PRAMEF20: variants seen among roughly 807,000 people sequenced by gnomAD.
PRAMEF20 encodes the protein PRAME family member 20/21.
A neutral mutation model predicts 32.4 loss-of-function variants in PRAMEF20; 27 were observed. That is an observed-to-expected ratio of 0.83 (90% confidence interval 0.61 to 1.15). The LOEUF is 1.15. Ranked by LOEUF, PRAMEF20 falls within the 50% of genes most tolerant of loss-of-function variation. The probability of loss-of-function intolerance (pLI) is 0.00; values close to 1 mark genes in which losing one functional copy is unlikely to be tolerated. For synonymous variants in PRAMEF20, 256 were observed against 235.4 expected, an observed-to-expected ratio of 1.09 and a Z score of -0.80; for missense variants, 604 against 584.5, an observed-to-expected ratio of 1.03 and a Z score of -0.34.
chr1:13,420,757 C>G (rs1569869481), exon 3 of PRAMEF20: 1 of 1,613,920 alleles, frequency 6.2e-7, no homozygotes, highest in Admixed American at 1.7e-5. Context: ...TGGAATCAGA[C>G]TTGAAGCATC....
upstream of PRAMEF20, chr1:13,416,285 G>A: frequency 6.2e-7 from 1 of 1,611,776 alleles, no homozygotes; most frequent in South Asian, 1.1e-5. Context: ...AGATTGCATG[G>A]GCTTGGCCTG....
exon 2 of PRAMEF20, chr1:13,418,247 G>A: frequency 6.2e-7 from 1 of 1,613,854 alleles, no homozygotes; most frequent in South Asian, 1.1e-5. Flanking sequence ...CTGCAGGACT[G>A]TCCAAGGATG....
At chr1:13,413,149 A>G (rs1569863341), upstream of PRAMEF20, among the ~76,000 whole-genome samples, 1 of 152,142 alleles carries the variant, frequency 6.6e-6, no homozygotes. Flanking sequence ...TCCCTATCTC[A>G]CACTCAGGAC....
At chr1:13,418,504 T>A in exon 2 of PRAMEF20, 1 of 1,613,776 alleles carries the variant, frequency 6.2e-7, no homozygotes, top group South Asian at 1.1e-5. Context: ...CCTGGCAGAG[T>A]TTACCCCATA....
At chr1:13,417,968 G>GT (rs1365124767) in intron 1 of PRAMEF20, among the ~76,000 whole-genome samples, 154 bp from the exon 3 acceptor site, 21 of 142,730 alleles carry the variant, frequency 1.5e-4, no homozygotes, top group East Asian at 4.1e-4. Flanking sequence ...TAGAGACGGG[G>GT]TTTCACCATG....
At chr1:13,416,276 G>C, upstream of PRAMEF20, 2 of 1,611,234 alleles carry the variant, frequency 1.2e-6, no homozygotes, top group Non-Finnish European at 1.7e-6. Flanking sequence ...TGGGAGATGA[G>C]ATTGCATGGG....
At chr1:13,412,963 A>T (rs1470841213), upstream of PRAMEF20, among the ~76,000 whole-genome samples, 4 of 152,130 alleles carry the variant, frequency 2.6e-5, no homozygotes, top group Admixed American at 1.3e-4. Context: ...TATACCACCC[A>T]GGTAATCACT....
intron 1 of PRAMEF20, among the ~76,000 whole-genome samples, chr1:13,417,910 T>TGTGTTTGTGTGTGTGTG (rs1369049111): frequency 1.6e-5 from 2 of 124,218 alleles, no homozygotes; most frequent in East Asian, 5.2e-4. Flanking sequence ...CCCGGCTAAT[T>TGTGTTTGTGTGTGTGTG]TGTGTGTGTG....
At chr1:13,416,351 G>A (rs1641169309) in exon 1 of PRAMEF20, 2 of 1,612,484 alleles carry the variant, frequency 1.2e-6, no homozygotes, top group East Asian at 2.2e-5. Flanking sequence ...GCAGATTCAG[G>A]AAGATGAGCA....
upstream of PRAMEF20, among the ~76,000 whole-genome samples, chr1:13,415,931 A>G (rs951265272): frequency 6.6e-6 from 1 of 152,228 alleles, no homozygotes; most frequent in Non-Finnish European, 1.5e-5. Context: ...GGGATGCCCC[A>G]TGAATGTTCC....
chr1:13,420,411 G>A (rs1158966852), intron 2 of PRAMEF20, among the ~76,000 whole-genome samples: 3 of 152,150 alleles, frequency 2.0e-5, no homozygotes, highest in African/African-American at 7.2e-5. Flanking sequence ...GTTTTGCCAT[G>A]TTGGCCAGGC....
upstream of PRAMEF20, among the ~76,000 whole-genome samples, chr1:13,413,914 G>C (rs1641136560): frequency 6.6e-6 from 1 of 152,150 alleles, no homozygotes; most frequent in Non-Finnish European, 1.5e-5. Context: ...TGTTTTATCA[G>C]ATGAACAGAT....
intron 1 of PRAMEF20, among the ~76,000 whole-genome samples, chr1:13,417,005 T>C (rs1641182704): frequency 6.6e-6 from 1 of 152,166 alleles, no homozygotes; most frequent in Non-Finnish European, 1.5e-5. Context: ...CCAGAATTGG[T>C]TCCTGCCGGT....
chr1:13,421,251 G>A, exon 3 of PRAMEF20: 1 of 1,613,850 alleles, frequency 6.2e-7, no homozygotes, highest in Non-Finnish European at 8.5e-7. Flanking sequence ...GATCGGTGTT[G>A]CTGTTGAATG....
At chr1:13,413,968 C>T (rs1316597984), upstream of PRAMEF20, among the ~76,000 whole-genome samples, 1 of 152,104 alleles carries the variant, frequency 6.6e-6, no homozygotes, top group Non-Finnish European at 1.5e-5. Flanking sequence ...GTCTTTATCC[C>T]CAAAATTTTG....
At position 13,419,401 on chromosome 1, in the gene PRAMEF20, G is replaced by C. The variant is rs912819833; in HGVS notation, c.866+701G>C. ...TGACCTCAGGTGATCCACCCACTTC[G>C]GCCTCCCAAAGTGTCAGGATTATAG... On this transcript the variant is annotated intron_variant, in intron 2 of 2. Transcript: ENST00000602960. 7.4e-3 allele frequency among the ~76,000 whole-genome samples: 1,131 copies of C among 151,982 alleles called. 16 individuals carry two copies. Among genetic ancestry groups the C allele is most frequent in the African/African-American group, 0.025 (1,048 of 41,464 alleles).
At position 13,420,720 on chromosome 1, in the gene PRAMEF20, T is replaced by A. The variant is rs1420492825; in HGVS notation, c.890T>A (p.Ile297Asn). 7.4e-6 allele frequency: 12 copies of A among 1,613,872 alleles called. No individual in the cohort carries two copies. In the Admixed American group the frequency reaches 1.3e-4, roughly 18 times the overall value. ...AGCTGTCTAAAGACCTCGTTAAACA[T>A]CCTCGCAATAACTAACTGTGTGCTT... The change falls in exon 3 of 3, where the codon ATC (isoleucine) becomes AAC (asparagine). Residue 297 changes from isoleucine (I) to asparagine (N), a missense_variant. Transcript: ENST00000602960.
chr1:13,416,405 G>C (rs1315200394), exon 1 of PRAMEF20: 2 of 1,613,750 alleles, frequency 1.2e-6, no homozygotes, highest in Non-Finnish European at 8.5e-7. Flanking sequence ...GGCGGAGCCT[G>C]CTGAGGGACG....
upstream of PRAMEF20, among the ~76,000 whole-genome samples, chr1:13,415,667 G>T (rs1174836742): frequency 3.3e-5 from 5 of 152,012 alleles, no homozygotes; most frequent in African/African-American, 1.2e-4. Flanking sequence ...ATGCATGCCT[G>T]TGGTCCCAGC....
Sources: gnomAD v4.1 joint callset for allele counts (sites outside exome capture counted in the v4.1 genomes callset) on GRCh38, gnomAD v4.1.1 for gene constraint, MANE v1.5 for transcripts, NCBI Gene and HGNC (gene_info 2026-07-23, HGNC 2026-07-21) for gene names.